Variants in EXT2 observed in about 807,000 individuals in gnomAD.
The protein encoded by EXT2 is exostosin glycosyltransferase 2.
In EXT2, 53 loss-of-function variants were observed where a neutral mutation model predicts 81.6. The ratio of observed to expected loss-of-function variants is 0.65; its 90% CI spans 0.52 to 0.82. The LOEUF (loss-of-function observed/expected upper bound fraction) is 0.82. Among genes scored for constraint, EXT2 ranks in the 40% least tolerant of loss-of-function variants. EXT2 has a pLI of 0.00. For missense variants in EXT2, 774 were observed against 910.2 expected (o/e 0.85, Z 1.93); for synonymous variants, 320 against 340.0 (o/e 0.94, Z 0.65).
intron 4 of EXT2, among the ~76,000 whole-genome samples, chr11:44,117,303 G>A (rs780461610): frequency 6.6e-6 from 1 of 152,158 alleles, no homozygotes; most frequent in African/African-American, 2.4e-5. Context: ...ATGCACAAAA[G>A]TTCCTCATTT....
intron 2 of EXT2, 114 bp downstream of exon 2, chr11:44,108,362 G>T (rs1251670126): frequency 8.6e-7 from 1 of 1,159,420 alleles, no homozygotes; most frequent in African/African-American, 1.5e-5. Flanking sequence ...TCCCGATGCT[G>T]TCTTCTTGCA....
intron 7 of EXT2, among the ~76,000 whole-genome samples, chr11:44,154,664 G>T (rs1374585305): frequency 2.6e-5 from 4 of 152,040 alleles, no homozygotes; most frequent in African/African-American, 7.2e-5. Flanking sequence ...CTAGCATTGG[G>T]ATTGCTGGAT....
intron 1 of EXT2, among the ~76,000 whole-genome samples, chr11:44,100,271 C>T (rs778011100): frequency 1.2e-4 from 18 of 152,156 alleles, no homozygotes; most frequent in Non-Finnish European, 2.9e-5. Context: ...AAACCAAGGT[C>T]GTTGGTACTA....
chr11:44,198,028 C>T lies in EXT2; in HGVS notation c.1495+10C>T, dbSNP rs780888308. 17 of 1,613,902 alleles carry T rather than the reference C, an allele frequency of 1.1e-5. No individual in the cohort carries two copies. Among genetic ancestry groups the T allele is most frequent in the African/African-American group, 1.3e-5 (1 of 75,022 alleles). On this transcript the variant is annotated intron_variant, in intron 9 of 13. Coordinates refer to ENST00000533608, the MANE Select transcript of EXT2 (RefSeq NM_207122.2). ...AAAAACCCTCCAGAAGGTAAGAAGC[C>T]TTAGTGCCTCTCTCAGCTGGATCAA...
At chr11:44,239,563 T>C (rs1956010692) in intron 13 of EXT2, among the ~76,000 whole-genome samples, 1 of 151,704 alleles carries the variant, frequency 6.6e-6, no homozygotes, top group Non-Finnish European at 1.5e-5. Context: ...CGGCTAATTT[T>C]TTGTATTTTT....
At chr11:44,228,954 CAAAGT>C (rs139646432) in intron 10 of EXT2, among the ~76,000 whole-genome samples, 33,372 of 151,904 alleles carry the variant, frequency 0.22, 3,975 homozygotes, top group Middle Eastern at 0.27. Context: ...TGTGTTGACT[CAAAGT>C]AAACAGGGGG....
intron 7 of EXT2, among the ~76,000 whole-genome samples, chr11:44,132,775 C>T (rs562213101): frequency 3.9e-5 from 6 of 152,216 alleles, no homozygotes; most frequent in Admixed American, 2.0e-4. Context: ...CTCCCTTTTC[C>T]GCTTTCTGAC....
At chr11:44,114,587 G>A (rs1023208577) in intron 4 of EXT2, among the ~76,000 whole-genome samples, 2 of 152,140 alleles carry the variant, frequency 1.3e-5, no homozygotes, top group Admixed American at 1.3e-4. Flanking sequence ...GTAGGAAGTC[G>A]TATTGATTCT....
At chr11:44,138,310 A>G (rs905278722) in intron 7 of EXT2, among the ~76,000 whole-genome samples, 6 of 152,248 alleles carry the variant, frequency 3.9e-5, no homozygotes, top group Non-Finnish European at 7.3e-5. Flanking sequence ...AAAGAGCTGG[A>G]AGGGACCTTA....
chr11:44,161,476 G>C (rs1163350022), intron 7 of EXT2, among the ~76,000 whole-genome samples: 1 of 151,774 alleles, frequency 6.6e-6, no homozygotes, highest in Non-Finnish European at 1.5e-5. Context: ...CTATACTCCA[G>C]TCTGGGCAAT....
intron 7 of EXT2, among the ~76,000 whole-genome samples, chr11:44,149,754 T>C (rs188473770): frequency 1.8e-4 from 28 of 152,324 alleles, no homozygotes; most frequent in Admixed American, 1.8e-3. Flanking sequence ...AGACTGGAGA[T>C]GAAAGGAAGT....
intron 10 of EXT2, among the ~76,000 whole-genome samples, chr11:44,218,707 C>T (rs1316058904): frequency 2.0e-5 from 3 of 149,746 alleles, no homozygotes; most frequent in African/African-American, 5.0e-5. Flanking sequence ...TGCTGTATAA[C>T]GTTTATATTT....
At chr11:44,163,998 C>T (rs1590610620) in intron 7 of EXT2, among the ~76,000 whole-genome samples, 1 of 152,154 alleles carries the variant, frequency 6.6e-6, no homozygotes, top group Non-Finnish European at 1.5e-5. Context: ...TGTTTGATAT[C>T]GTCCTACAGT....
intron 8 of EXT2, among the ~76,000 whole-genome samples, chr11:44,190,701 T>G (rs1002929339): frequency 6.6e-6 from 1 of 152,226 alleles, no homozygotes; most frequent in African/African-American, 2.4e-5. Flanking sequence ...GTCTTTTAGT[T>G]GGTAATGAAA....
At chr11:44,207,504 C>T (rs1955598080) in intron 10 of EXT2, among the ~76,000 whole-genome samples, 1 of 152,124 alleles carries the variant, frequency 6.6e-6, no homozygotes. Flanking sequence ...GTAAAGGTCT[C>T]CCCAGGGGAA....
chr11:44,100,152 A>G (rs570437288), intron 1 of EXT2, among the ~76,000 whole-genome samples: 8 of 152,306 alleles, frequency 5.3e-5, no homozygotes, highest in Middle Eastern at 3.4e-3. Flanking sequence ...AAGCAGCTCA[A>G]GTGTGCACCC....
Position 44,249,385 on chromosome 11 carries a change from T to C in EXT2, c.*5098T>C, listed in dbSNP as rs923661165. On this transcript the variant is annotated 3_prime_UTR_variant, in exon 14 of 14. Transcript: ENST00000533608. ...CCACTCTCCCTGAAAGGCACAGAAC[T>C]ATCAGACAGAAGACAAGGTAGTTCT... 6.6e-6 allele frequency among the ~76,000 whole-genome samples: 1 copy of C among 152,184 alleles called. No individual in the cohort carries two copies. The highest frequency in any genetic ancestry group is 1.5e-5 in the Non-Finnish European group (1 of 68,034).
At position 44,249,841 on chromosome 11, in the gene EXT2, C is replaced by T. The variant is rs994310889; in HGVS notation, c.*5554C>T. On this transcript the variant is annotated 3_prime_UTR_variant, in exon 14 of 14. Coordinates refer to ENST00000533608, the MANE Select transcript of EXT2 (RefSeq NM_207122.2). ...ATCCCAGCATTTTGGGAGGCCAAAG[C>T]GGGCAGATCATGAGGTCACGAGATC... is the stretch of plus-strand genomic sequence containing the variant. 4.6e-5 allele frequency among the ~76,000 whole-genome samples: 7 copies of T among 152,274 alleles called. No individual in the cohort carries two copies. The South Asian group carries it at 6.2e-4, about 14-fold the overall frequency.
At chr11:44,150,456 A>T (rs967982782) in intron 7 of EXT2, among the ~76,000 whole-genome samples, 1 of 152,204 alleles carries the variant, frequency 6.6e-6, no homozygotes, top group East Asian at 1.9e-4. Context: ...GAAAATTGAG[A>T]TTAAATCCTA....
Sources: gnomAD v4.1 joint callset for allele counts (sites outside exome capture counted in the v4.1 genomes callset) on GRCh38, gnomAD v4.1.1 for gene constraint, MANE v1.5 for transcripts, NCBI Gene and HGNC (gene_info 2026-07-23, HGNC 2026-07-21) for gene names.